CCT8: variants seen among roughly 807,000 people sequenced by gnomAD.
CCT8 encodes the protein chaperonin containing TCP1 subunit 8, also known as T-complex protein 1 subunit theta.
A neutral mutation model predicts 65.7 loss-of-function variants in CCT8; 10 were observed. The ratio of observed to expected loss-of-function variants is 0.15; its 90% CI spans 0.09 to 0.26. The LOEUF is 0.26. Ranked by LOEUF, CCT8 falls within the 10% of genes least tolerant of loss-of-function variation. CCT8 has a pLI of 1.00. For synonymous variants in CCT8, 199 were observed against 221.8 expected (o/e 0.90, Z 0.92); for missense variants, 568 against 669.1 (o/e 0.85, Z 1.67).
chr21:29,062,093 C>T (rs1215847052), intron 11 of CCT8, 35 bp downstream of exon 11: 2 of 1,381,648 alleles, frequency 1.4e-6, no homozygotes, highest in South Asian at 1.2e-5. Context: ...ATTACTCAGA[C>T]CTTACAAACT....
At chr21:29,072,363 A>C (rs1315831688) in intron 1 of CCT8, 1 of 160,830 alleles carries the variant, frequency 6.2e-6, no homozygotes, top group Non-Finnish European at 1.4e-5. Flanking sequence ...GTACCTATTT[A>C]TTGAAAGAAA....
At chr21:29,071,967 T>C (rs1178656128) in intron 1 of CCT8, 1 of 702,316 alleles carries the variant, frequency 1.4e-6, no homozygotes, top group African/African-American at 1.7e-5. Flanking sequence ...TTCCTTTCTT[T>C]GGTAAGCTTC....
rs1212652531 is a variant in CCT8, at chr21:29,061,390, T to C, written c.1312A>G (p.Ile438Val). ...ETCPGLEQYAIKKFAEAFEAI... is the reference protein window; with the variant it reads ...ETCPGLEQYAVKKFAEAFEAI... ...TCAAATGCCTCAGCAAACTTCTTAA[T>C]AGCATACTGTTCAAGTCCAGGACAT... is the stretch of plus-strand genomic sequence containing the variant. The change falls in exon 13 of 15, where the codon ATT becomes GTT. Residue 438 changes from isoleucine (I) to valine (V), a missense_variant. Coordinates refer to ENST00000286788, the MANE Select transcript of CCT8 (RefSeq NM_006585.4). 5.0e-6 allele frequency: 8 copies of C among 1,613,958 alleles called. No homozygotes were observed. In the African/African-American group the frequency reaches 5.3e-5, roughly 11 times the overall value.
chr21:29,070,662 T>G (rs143457055), intron 1 of CCT8, among the ~76,000 whole-genome samples: 138 of 152,326 alleles, frequency 9.1e-4, no homozygotes, highest in African/African-American at 3.1e-3. Flanking sequence ...CCTCTCTAGT[T>G]GAATGAATAA....
At chr21:29,062,755 GCCAATAGTA>G (rs2085578274) in intron 8 of CCT8, 199 bp from the exon 9 acceptor site, 1 of 597,244 alleles carries the variant, frequency 1.7e-6, no homozygotes, top group African/African-American at 1.9e-5. Flanking sequence ...AGTCCAGCTG[GCCAATAGTA>G]CCACATCTTA....
chr21:29,062,864 AC>A (rs1360432017), intron 8 of CCT8: 1 of 397,506 alleles, frequency 2.5e-6, no homozygotes, highest in African/African-American at 2.1e-5. Context: ...CACCAGAGAA[AC>A]CCTTACAAAA....
intron 3 of CCT8, among the ~76,000 whole-genome samples, chr21:29,069,030 C>T (rs2085654400): frequency 6.6e-6 from 1 of 152,082 alleles, no homozygotes; most frequent in Non-Finnish European, 1.5e-5. Flanking sequence ...AAGTAAAATG[C>T]CATCAACTGA....
chr21:29,063,516 T>C lies in CCT8; in HGVS notation c.777A>G (p.Ile259Met). 1 of 1,613,758 alleles carries C rather than the reference T, an allele frequency of 6.2e-7. No individual in the cohort carries two copies. Among genetic ancestry groups the C allele is most frequent in the Non-Finnish European group, 8.5e-7 (1 of 1,179,978 alleles). ...MITETKGTVL[I>M]KTAEELMNFS... ...AATTCATCAATTCTTCAGCAGTCTT[T>C]ATCAACACTGTTCCCTGGCAAAACA... is the stretch of plus-strand genomic sequence containing the variant. Residue 259 changes from isoleucine (I) to methionine (M), a missense_variant, in exon 8 of 15, where the codon ATA becomes ATG. Transcript: ENST00000286788.
At position 29,056,329 on chromosome 21, in the gene CCT8, G is replaced by C. The variant is rs1034902219; in HGVS notation, c.*146C>G. 2 of 454,298 alleles carry C rather than the reference G, an allele frequency of 4.4e-6. No individual in the cohort carries two copies. The highest frequency in any genetic ancestry group is 2.0e-5 in the African/African-American group (1 of 49,824). The allele number at this position is 454,298 out of a possible 1,614,324, so 28.1% of individuals were successfully genotyped here. A position where few individuals can be genotyped will look rare whatever the true frequency, so the allele number is the denominator to read the frequency against. ...CGTGGTCATTAGACAATAAGGCTTT[G>C]ACAGTAACAATATGTTTATTATAAC... is the stretch of plus-strand genomic sequence containing the variant. On this transcript the variant is annotated 3_prime_UTR_variant, in exon 15 of 15. Coordinates refer to ENST00000286788, the MANE Select transcript of CCT8 (RefSeq NM_006585.4).
Position 29,069,518 on chromosome 21 carries a change from TAAAAAA to T in CCT8, c.152-22_152-17del, listed in dbSNP as rs751692460. ...TTGTTCATTCCTCAAAAGTAACAGT[TAAAAAA>T]AGAAAAAGAAAGCCATTATTAATCA... On this transcript the variant is annotated splice_polypyrimidine_tract_variant and intron_variant, in intron 2 of 14. Coordinates refer to ENST00000286788, the MANE Select transcript of CCT8 (RefSeq NM_006585.4). 6 of 1,486,008 alleles carry T rather than the reference TAAAAAA, an allele frequency of 4.0e-6. No homozygotes were observed. The Admixed American group carries it at 8.9e-5, about 22-fold the overall frequency. The allele number at this position is 1,486,008 out of a possible 1,614,324, so 92.1% of individuals were successfully genotyped here.
chr21:29,061,449 T>A (rs776360584), intron 12 of CCT8, 32 bp from the exon 13 acceptor site: 8 of 1,613,626 alleles, frequency 5.0e-6, no homozygotes, highest in Non-Finnish European at 6.8e-6. Context: ...TACTGTCTTT[T>A]ATTCAAGCAA....
At position 29,065,096 on chromosome 21, in the gene CCT8, T is replaced by C; in HGVS notation, c.634A>G (p.Ile212Val). The C allele has an allele frequency of 1.2e-6, 2 of 1,613,956 alleles. No homozygotes were observed. The highest frequency in any genetic ancestry group is 1.3e-5 in the African/African-American group (1 of 75,054). ...CCATGCAATACTGAAGAGGAACTGA[T>C]ACCAGAGCCCTAAGGAATTGAATAC... ...IRVCKILGSG[I>V]SSSSVLHGMV... is the part of the protein sequence containing the mutation. The change falls in exon 7 of 15, where the codon ATC (isoleucine) becomes GTC (valine). Residue 212 changes from isoleucine to valine, a missense_variant. Physicochemically the swap from Ile to Val is conservative, Grantham distance 29. Transcript: ENST00000286788.
Position 29,062,633 on chromosome 21 carries a change from C to T in CCT8, c.942-77G>A, listed in dbSNP as rs144490490. On this transcript the variant is annotated intron_variant, in intron 8 of 14. Transcript: ENST00000286788. ...ATATAAAGTTCAAATTAAAGAGGAACCTGTATACCAGCCCCCATGTCACAT... is the reference window on the plus strand; with the variant it reads ...ATATAAAGTTCAAATTAAAGAGGAATCTGTATACCAGCCCCCATGTCACAT... The T allele has an allele frequency of 1.6e-3, 1,786 of 1,085,194 alleles. 21 individuals are homozygous for T. In the African/African-American group the frequency reaches 0.025, roughly 15 times the overall value. 67.2% of individuals were successfully genotyped at this position (1,085,194 alleles called of 1,614,324 possible).
intron 8 of CCT8, 62 bp from the exon 9 acceptor site, chr21:29,062,618 C>T: frequency 7.4e-7 from 1 of 1,347,298 alleles, no homozygotes; most frequent in Non-Finnish European, 1.0e-6. Context: ...ATATAAAGTT[C>T]AAATTAAAGA....
At chr21:29,070,778 T>A (rs2085671917) in intron 1 of CCT8, among the ~76,000 whole-genome samples, 1 of 152,170 alleles carries the variant, frequency 6.6e-6, no homozygotes, top group Admixed American at 6.6e-5. Context: ...CTAAGACTAA[T>A]TAGAGAAAGG....
intron 2 of CCT8, among the ~76,000 whole-genome samples, chr21:29,069,841 A>G (rs1217914599): frequency 6.6e-6 from 1 of 152,246 alleles, no homozygotes; most frequent in Non-Finnish European, 1.5e-5. Context: ...GGCCAAAATA[A>G]TCTACTTAGT....
chr21:29,056,431 T>C lies in CCT8; in HGVS notation c.*44A>G. On this transcript the variant is annotated 3_prime_UTR_variant, in exon 15 of 15. Transcript: ENST00000286788. The stretch of plus-strand genomic sequence containing the variant: ...AAAACATCAGGTGATTCTTGAGTAC[T>C]ACTACAAATACAGCCTTCACCTACA... The C allele has an allele frequency of 9.7e-7, 1 of 1,034,650 alleles. No homozygotes were observed. Among genetic ancestry groups the C allele is most frequent in the East Asian group, 2.8e-5 (1 of 35,922 alleles). The allele number at this position is 1,034,650 out of a possible 1,614,324, so 64.1% of individuals were successfully genotyped here. A position where few individuals can be genotyped will look rare whatever the true frequency, so the allele number is the denominator to read the frequency against.
chr21:29,067,049 G>C lies in CCT8; in HGVS notation c.404C>G (p.Ala135Gly), dbSNP rs766328524. The change falls in exon 5 of 15, where the codon GCC (alanine) becomes GGC (glycine). Residue 135 changes from alanine (A) to glycine (G), a missense_variant. Physicochemically the swap from Ala to Gly is moderately conservative, Grantham distance 60. Coordinates refer to ENST00000286788, the MANE Select transcript of CCT8 (RefSeq NM_006585.4). ...AAGAATCTCATGAGCTTTTCTGCAG[G>C]CTATTTCATAACCTTCTATGACCTA... ...VSEVIEGYEI[A>G]CRKAHEILPN... 20 of 1,610,830 alleles carry C rather than the reference G, an allele frequency of 1.2e-5. No individual in the cohort carries two copies. The highest frequency in any genetic ancestry group is 2.7e-5 in the African/African-American group (2 of 74,744).
At chr21:29,071,855 G>A in intron 1 of CCT8, 1 of 683,644 alleles carries the variant, frequency 1.5e-6, no homozygotes, top group Non-Finnish European at 2.6e-6. Context: ...ACCCTTCAAT[G>A]GTTTCCCAAC....
Sources: gnomAD v4.1 joint callset for allele counts (sites outside exome capture counted in the v4.1 genomes callset) on GRCh38, gnomAD v4.1.1 for gene constraint, MANE v1.5 for transcripts, NCBI Gene and HGNC (gene_info 2026-07-23, HGNC 2026-07-21) for gene names.